Variants in MGAT5 observed in about 807,000 individuals in gnomAD.
MGAT5 encodes alpha-1,6-mannosylglycoprotein 6-beta-N-acetylglucosaminyltransferase A.
Under a neutral mutation model 94.3 loss-of-function variants are expected in MGAT5, and 30 were observed. That is an observed-to-expected ratio of 0.32 (90% CI 0.24 to 0.43). The LOEUF is 0.43. MGAT5 is among the 20% of genes least tolerant of loss of function. The pLI is 1.00. For missense variants in MGAT5, 691 were observed against 905.5 expected (o/e 0.76, Z 3.04); for synonymous variants, 310 against 322.9 (o/e 0.96, Z 0.43).
At chr2:134,416,432 GGTTT>G (rs1683972231) in intron 12 of MGAT5, among the ~76,000 whole-genome samples, 1 of 151,128 alleles carries the variant, frequency 6.6e-6, no homozygotes, top group African/African-American at 2.4e-5. Context: ...ATGTTTTCAA[GGTTT>G]GTTCATGTTG....
rs904556295 is a variant in MGAT5, at chr2:134,356,537, C to T, written c.1247-5738C>T. 5.3e-5 allele frequency among the ~76,000 whole-genome samples: 8 copies of T among 152,112 alleles called. No individual in the cohort carries two copies. In the South Asian group the frequency reaches 6.2e-4, roughly 12 times the overall value. ...TCTCTGTTCTCCAGAAGCTTACTTTCGGTGGAGTCAGGAGGTACGCAAAAA... is the reference window on the plus strand; with the variant it reads ...TCTCTGTTCTCCAGAAGCTTACTTTTGGTGGAGTCAGGAGGTACGCAAAAA... On this transcript the variant is annotated intron_variant, in intron 9 of 15. Transcript: ENST00000281923.
intron 1 of MGAT5, among the ~76,000 whole-genome samples, chr2:134,258,892 G>A (rs1404135542): frequency 6.6e-6 from 1 of 152,216 alleles, no homozygotes; most frequent in East Asian, 1.9e-4. Context: ...TGTGAGACAT[G>A]AGCAAAGTGC....
At chr2:134,326,965 AAC>A (rs1340291680) in intron 4 of MGAT5, among the ~76,000 whole-genome samples, 2 of 152,128 alleles carry the variant, frequency 1.3e-5, no homozygotes, top group African/African-American at 4.8e-5. Flanking sequence ...TAATGTTAAC[AAC>A]AAGTACAAGC....
At chr2:134,142,581 A>G (rs1686708713) in intron 1 of MGAT5, among the ~76,000 whole-genome samples, 1 of 152,212 alleles carries the variant, frequency 6.6e-6, no homozygotes, top group African/African-American at 2.4e-5. Flanking sequence ...ACCAATAATT[A>G]TCTGAGGTCA....
At chr2:134,406,999 C>G (rs1683378587) in intron 11 of MGAT5, among the ~76,000 whole-genome samples, 1 of 152,190 alleles carries the variant, frequency 6.6e-6, no homozygotes, top group Non-Finnish European at 1.5e-5. Context: ...TCCACAGTGC[C>G]TGGCTTCTAA....
At chr2:134,334,862 T>TA (rs1688241805) in intron 4 of MGAT5, among the ~76,000 whole-genome samples, 1 of 152,158 alleles carries the variant, frequency 6.6e-6, no homozygotes, top group East Asian at 1.9e-4. Flanking sequence ...TTTTTATGAG[T>TA]AAAAACCATT....
chr2:134,435,505 A>G (rs1685121473), intron 14 of MGAT5, among the ~76,000 whole-genome samples: 1 of 152,110 alleles, frequency 6.6e-6, no homozygotes, highest in Admixed American at 6.6e-5. Flanking sequence ...AATGTACTAT[A>G]TATATTGACT....
chr2:134,254,550 G>A lies in MGAT5; in HGVS notation c.147G>A (p.Gln49=). 3.1e-6 allele frequency: 5 copies of A among 1,614,236 alleles called. No homozygotes were observed. The highest frequency in any genetic ancestry group is 4.2e-6 in the Non-Finnish European group (5 of 1,180,034). The change falls in exon 1 of 16, where the codon CAG becomes CAA. Residue 49 remains glutamine, a synonymous_variant. Transcript: ENST00000281923. ...QPESSSMLRE[Q]ILDLSKRYIK... ...AAAGCAGCTCCATGCTGCGCGAGCA[G>A]ATCCTGGACCTCAGCAAAAGGTACA...
chr2:134,379,895 C>T (rs1370817096), intron 10 of MGAT5, among the ~76,000 whole-genome samples: 1 of 152,194 alleles, frequency 6.6e-6, no homozygotes, highest in Admixed American at 6.5e-5. Context: ...AGGATTAGGC[C>T]ATGGCTCTGC....
intron 9 of MGAT5, among the ~76,000 whole-genome samples, chr2:134,360,180 A>C (rs1049174380): frequency 6.6e-6 from 1 of 151,738 alleles, no homozygotes; most frequent in Admixed American, 6.5e-5. Context: ...GAAAACGTAG[A>C]AGAGAGCTTA....
intron 1 of MGAT5, among the ~76,000 whole-genome samples, chr2:134,122,173 C>T (rs1051641476): frequency 1.3e-5 from 2 of 151,770 alleles, no homozygotes; most frequent in African/African-American, 4.8e-5. Flanking sequence ...GGTGCGATCT[C>T]GGCTCACTGC....
At chr2:134,183,781 G>A (rs552168039) in intron 1 of MGAT5, among the ~76,000 whole-genome samples, 4 of 152,144 alleles carry the variant, frequency 2.6e-5, no homozygotes, top group Non-Finnish European at 5.9e-5. Context: ...GATCTGTCAC[G>A]GGCTGGCTCG....
upstream of MGAT5, among the ~76,000 whole-genome samples, chr2:134,251,930 C>G (rs1682630142): frequency 6.6e-6 from 1 of 152,208 alleles, no homozygotes; most frequent in Admixed American, 6.5e-5. Flanking sequence ...AACCACTGTT[C>G]TGTTATCTCC....
In MGAT5 at chr2:134,349,814, C is replaced by T. The variant is rs1679257347; in HGVS notation, c.1122C>T (p.Leu374=). The T allele has an allele frequency of 1.9e-6, 3 of 1,613,402 alleles. No individual in the cohort carries two copies. The highest frequency in any genetic ancestry group is 8.5e-7 in the Non-Finnish European group (1 of 1,179,596). Residue 374 remains leucine, a synonymous_variant, in exon 9 of 16, where the codon CTC becomes CTT. Coordinates refer to ENST00000281923, the MANE Select transcript of MGAT5 (RefSeq NM_002410.5). ...GPSWVHYQCM[L]RVLDSFGTEP... is the part of the protein sequence containing the mutation. ...TGCTTTTTTCTTTCAGGTGCATGCT[C>T]CGAGTCCTTGATTCATTTGGTACTG...
intron 15 of MGAT5, among the ~76,000 whole-genome samples, chr2:134,446,532 G>T (rs1308125936): frequency 6.6e-6 from 1 of 152,122 alleles, no homozygotes; most frequent in Non-Finnish European, 1.5e-5. Flanking sequence ...TTTTCTCTCT[G>T]TTGTCCAGCT....
chr2:134,177,215 A>G (rs1203169245), intron 1 of MGAT5, among the ~76,000 whole-genome samples: 1 of 144,838 alleles, frequency 6.9e-6, no homozygotes, highest in Non-Finnish European at 1.5e-5. Flanking sequence ...TTTCTTGTTC[A>G]TAGTTTTAGG....
At chr2:134,293,075 G>T (rs1685467507) in intron 2 of MGAT5, among the ~76,000 whole-genome samples, 1 of 152,166 alleles carries the variant, frequency 6.6e-6, no homozygotes, top group Non-Finnish European at 1.5e-5. Context: ...CACATGAAAG[G>T]CACCTTCACA....
chr2:134,414,054 A>G (rs1401383435), intron 12 of MGAT5, among the ~76,000 whole-genome samples: 2 of 152,110 alleles, frequency 1.3e-5, no homozygotes, highest in Non-Finnish European at 2.9e-5. Flanking sequence ...GAAATAGCCA[A>G]AGGAGATAGA....
At chr2:134,433,319 G>A (rs1035278526) in intron 14 of MGAT5, among the ~76,000 whole-genome samples, 1 of 152,146 alleles carries the variant, frequency 6.6e-6, no homozygotes, top group African/African-American at 2.4e-5. Context: ...TTATATCCAC[G>A]TTTTGACTAA....
Sources: gnomAD v4.1 joint callset for allele counts (sites outside exome capture counted in the v4.1 genomes callset) on GRCh38, gnomAD v4.1.1 for gene constraint, MANE v1.5 for transcripts, NCBI Gene and HGNC (gene_info 2026-07-23, HGNC 2026-07-21) for gene names.